Variants in SNX4 observed in about 807,000 individuals in gnomAD.
The protein encoded by SNX4 is sorting nexin-4.
SNX4 carries 49 observed loss-of-function variants against 70.8 expected under a neutral mutation model. That is an observed-to-expected ratio of 0.69 (90% CI 0.55 to 0.88). SNX4 has a LOEUF of 0.88. SNX4 is among the 40% of genes least tolerant of loss of function. The pLI is 0.00. For synonymous variants in SNX4, 206 were observed against 183.8 expected (o/e 1.12, Z -0.98); for missense variants, 528 against 544.8 (o/e 0.97, Z 0.31).
At chr3:125,489,513 A>G in intron 5 of SNX4, 50 bp from the exon 6 acceptor site, 1 of 1,436,340 alleles carries the variant, frequency 7.0e-7, no homozygotes, top group Non-Finnish European at 9.8e-7. Context: ...CAGGGTATAA[A>G]ATTCAAACAA....
chr3:125,448,993 A>T (rs1248973021), intron 13 of SNX4: 1 of 152,104 alleles, frequency 6.6e-6, no homozygotes, highest in African/African-American at 2.4e-5. Flanking sequence ...TTTTTCAGTA[A>T]GGTATTTTTT....
At chr3:125,508,486 G>A (rs1305100226) in intron 1 of SNX4, among the ~76,000 whole-genome samples, 11 of 151,406 alleles carry the variant, frequency 7.3e-5, no homozygotes, top group African/African-American at 2.7e-4. Flanking sequence ...AGAATGGCGT[G>A]AACCCGGGAG....
At chr3:125,493,349 C>T (rs940022215) in intron 5 of SNX4, among the ~76,000 whole-genome samples, 5 of 152,024 alleles carry the variant, frequency 3.3e-5, no homozygotes, top group Non-Finnish European at 7.4e-5. Flanking sequence ...AAATAGAACA[C>T]AGATAAAAAG....
chr3:125,467,365 T>C (rs148779570), intron 9 of SNX4, among the ~76,000 whole-genome samples: 221 of 152,054 alleles, frequency 1.5e-3, no homozygotes, highest in African/African-American at 4.6e-3. Context: ...CCAGCCTGGG[T>C]GACAGAGTGA....
Position 125,500,427 on chromosome 3 carries a change from A to G in SNX4, c.264-2233T>C, listed in dbSNP as rs543958847. Among the ~76,000 whole-genome samples, 5 of 152,200 alleles carry G rather than the reference A, an allele frequency of 3.3e-5. No individual in the cohort carries two copies. In the East Asian group the frequency reaches 7.7e-4, roughly 23 times the overall value. On this transcript the variant is annotated intron_variant, in intron 2 of 13. Transcript: ENST00000251775. ...TGGGGAATTAAAAACCAGGGACTTT[A>G]GTTTTATTCAATCTTAGCCCACTAA...
chr3:125,494,932 C>T (rs552274665), intron 5 of SNX4, among the ~76,000 whole-genome samples: 1 of 152,192 alleles, frequency 6.6e-6, no homozygotes, highest in Admixed American at 6.5e-5. Context: ...ACCTCCTTTT[C>T]CGCTATCAGG....
intron 5 of SNX4, among the ~76,000 whole-genome samples, chr3:125,490,524 CAAAAAAAAA>C (rs1173858739): frequency 4.1e-5 from 2 of 48,898 alleles, no homozygotes; most frequent in African/African-American, 7.4e-5. Context: ...ACTCTGTCTC[CAAAAAAAAA>C]AAAAAAAAAA....
chr3:125,497,836 G>T lies in SNX4; in HGVS notation c.547C>A (p.Gln183Lys). 6.3e-7 allele frequency: 1 copy of T among 1,581,988 alleles called. No individual in the cohort carries two copies. Among genetic ancestry groups the T allele is most frequent in the Non-Finnish European group, 8.6e-7 (1 of 1,168,912 alleles). ...RDKIFYLFLT[Q>K]EGNWKETVNE... ...AAGACTAAATAAAAGAAAAATACCT[G>T]TGTTAAAAACAGATAGAAGATTTTG... Residue 183 changes from glutamine (Q) to lysine (K), a missense_variant and splice_region_variant, in exon 4 of 14, where the codon CAG (glutamine) becomes AAG (lysine). By Grantham distance (53) the Gln-to-Lys change is moderately conservative. Around this residue, in one of 3 missense-constraint regions of SNX4, gnomAD observed 341 missense variants for 312.2 expected, o/e 1.09. Coordinates refer to ENST00000251775, the MANE Select transcript of SNX4 (RefSeq NM_003794.4).
chr3:125,448,426 T>C (rs898536467), intron 13 of SNX4, among the ~76,000 whole-genome samples: 1 of 151,902 alleles, frequency 6.6e-6, no homozygotes, highest in Non-Finnish European at 1.5e-5. Context: ...TGAGCCACAG[T>C]GCCCGGCTCG....
At chr3:125,512,623 C>T (rs560127710) in intron 1 of SNX4, among the ~76,000 whole-genome samples, 1 of 152,190 alleles carries the variant, frequency 6.6e-6, no homozygotes, top group Admixed American at 6.5e-5. Context: ...CAGATGAGAC[C>T]AGGGACCTTT....
intron 10 of SNX4, among the ~76,000 whole-genome samples, chr3:125,459,628 G>C (rs940855017): frequency 1.3e-5 from 2 of 152,086 alleles, no homozygotes; most frequent in Non-Finnish European, 2.9e-5. Context: ...TAGTAGAGAC[G>C]GGGTTTCACC....
intron 1 of SNX4, among the ~76,000 whole-genome samples, chr3:125,516,541 C>T (rs1220656037): frequency 2.6e-5 from 4 of 152,092 alleles, no homozygotes. Context: ...TTAAAATCTG[C>T]AGTCAAAAAT....
At chr3:125,481,287 G>A (rs1164286766) in intron 6 of SNX4, among the ~76,000 whole-genome samples, 1 of 152,084 alleles carries the variant, frequency 6.6e-6, no homozygotes, top group East Asian at 1.9e-4. Flanking sequence ...TGCAACAGCT[G>A]ACATCATCCT....
chr3:125,515,395 C>T (rs1179288106), intron 1 of SNX4, among the ~76,000 whole-genome samples: 1 of 151,650 alleles, frequency 6.6e-6, no homozygotes. Context: ...GGCATGGTGA[C>T]TCACGCCTGT....
chr3:125,511,343 G>A (rs545888763), intron 1 of SNX4, among the ~76,000 whole-genome samples: 11 of 151,996 alleles, frequency 7.2e-5, no homozygotes, highest in South Asian at 2.1e-4. Context: ...TACATATGCC[G>A]AAAGGCAAGA....
At chr3:125,486,899 A>ATG (rs777659025) in intron 6 of SNX4, among the ~76,000 whole-genome samples, 8 of 152,130 alleles carry the variant, frequency 5.3e-5, no homozygotes, top group Non-Finnish European at 1.0e-4. Context: ...ATATATATAT[A>ATG]TGTGTGTGTA....
chr3:125,520,126 G>T lies in SNX4; in HGVS notation c.47C>A (p.Pro16His), dbSNP rs1385410317. ...GTCTGGGGAGCCCAGCGGCTCCAAGGGCGCCGGCTGGAGCTGCCGCTCGGG... is the reference window on the plus strand; with the variant it reads ...GTCTGGGGAGCCCAGCGGCTCCAAGTGCGCCGGCTGGAGCTGCCGCTCGGG... ...PDPERQLQPA[P>H]LEPLGSPDAG... is the part of the protein sequence containing the mutation. The change falls in exon 1 of 14, where the codon CCC (proline) becomes CAC (histidine). Residue 16 changes from proline (P) to histidine (H), a missense_variant. Pro to His is a moderately conservative substitution (Grantham distance 77, BLOSUM62 -2). Coordinates refer to ENST00000251775, the MANE Select transcript of SNX4 (RefSeq NM_003794.4). 2 of 1,470,942 alleles carry T rather than the reference G, an allele frequency of 1.4e-6. No individual in the cohort carries two copies. Among genetic ancestry groups the T allele is most frequent in the African/African-American group, 1.5e-5 (1 of 66,920 alleles). 91.1% of individuals were successfully genotyped at this position (1,470,942 alleles called of 1,614,324 possible). A position where few individuals can be genotyped will look rare whatever the true frequency, so the allele number is the denominator to read the frequency against.
intron 9 of SNX4, among the ~76,000 whole-genome samples, chr3:125,465,353 C>T (rs550654286): frequency 6.6e-6 from 1 of 151,502 alleles, no homozygotes; most frequent in South Asian, 2.1e-4. Context: ...TCAAGTGATT[C>T]TCCTGCCTCA....
At chr3:125,478,894 CCA>C (rs1195485620) in intron 7 of SNX4, among the ~76,000 whole-genome samples, 1 of 152,128 alleles carries the variant, frequency 6.6e-6, no homozygotes, top group African/African-American at 2.4e-5. Context: ...TCTCATTAAT[CCA>C]CAGTCCTTTC....
Sources: allele counts gnomAD v4.1 joint callset (sites outside exome capture counted in the v4.1 genomes callset), GRCh38; gene constraint gnomAD v4.1.1; regional missense constraint gnomAD v4.1.1; transcripts MANE v1.5; gene names NCBI Gene and HGNC (gene_info 2026-07-23, HGNC 2026-07-21).